Variants in TRPC3 observed in about 807,000 individuals in gnomAD.
TRPC3 encodes the protein short transient receptor potential channel 3.
TRPC3 carries 54 observed loss-of-function variants against 90.9 expected under a neutral mutation model. The observed-to-expected ratio is 0.59, with a 90% confidence interval of 0.48 to 0.75. The LOEUF is 0.75. Ranked by LOEUF, TRPC3 falls within the 30% of genes least tolerant of loss-of-function variation. The probability of loss-of-function intolerance (pLI) is 0.00; values close to 1 mark genes in which losing one functional copy is unlikely to be tolerated. For synonymous variants in TRPC3, 424 were observed against 450.9 expected, an observed-to-expected ratio of 0.94 and a Z score of 0.75; for missense variants, 918 against 1,194.5, an observed-to-expected ratio of 0.77 and a Z score of 3.41.
At chr4:121,891,323 A>G (rs910620926) in intron 10 of TRPC3, among the ~76,000 whole-genome samples, 14 of 152,240 alleles carry the variant, frequency 9.2e-5, no homozygotes, top group Admixed American at 6.5e-5. Context: ...TAGTTCTCAT[A>G]AACTCTTCTT....
At chr4:121,893,559 G>A (rs544147749) in intron 10 of TRPC3, among the ~76,000 whole-genome samples, 1 of 152,094 alleles carries the variant, frequency 6.6e-6, no homozygotes, top group Non-Finnish European at 1.5e-5. Flanking sequence ...AGAAATATGA[G>A]TTAAAAATAT....
At chr4:121,919,071 C>T (rs1729416439) in intron 3 of TRPC3, among the ~76,000 whole-genome samples, 1 of 152,118 alleles carries the variant, frequency 6.6e-6, no homozygotes, top group South Asian at 2.1e-4. Flanking sequence ...TTTTCTGATT[C>T]AAAGAGAGAA....
At chr4:121,923,808 A>G (rs535550445) in intron 3 of TRPC3, among the ~76,000 whole-genome samples, 18 of 152,356 alleles carry the variant, frequency 1.2e-4, no homozygotes, top group African/African-American at 3.1e-4. Context: ...CACTGCAGAA[A>G]AGACAGAACA....
intron 10 of TRPC3, 71 bp downstream of exon 10, chr4:121,899,541 A>G (rs567927285): frequency 7.8e-7 from 1 of 1,285,734 alleles, no homozygotes; most frequent in East Asian, 2.3e-5. Flanking sequence ...CTCATGACAC[A>G]CACACAAACA....
rs536805634 is a variant in TRPC3, at chr4:121,899,542, C to T, written c.2547+70G>A. ...AGAATATAACTCAACTCATGACACA[C>T]ACACAAACACACACGCAGACATATA... On this transcript the variant is annotated intron_variant, in intron 10 of 11. Coordinates refer to ENST00000379645, the MANE Select transcript of TRPC3 (RefSeq NM_001130698.2). 5.4e-5 allele frequency: 70 copies of T among 1,305,418 alleles called. 1 individual carries two copies. The highest frequency in any genetic ancestry group is 4.5e-4 in the South Asian group (37 of 81,856). The allele number at this position is 1,305,418 out of a possible 1,614,324, so 80.9% of individuals were successfully genotyped here.
chr4:121,907,224 G>C, intron 7 of TRPC3, 79 bp downstream of exon 7: 1 of 1,330,048 alleles, frequency 7.5e-7, no homozygotes, highest in Non-Finnish European at 1.0e-6. Context: ...ATTACAATCA[G>C]AGAAATTTTT....
Position 121,942,466 on chromosome 4 carries a change from G to A in TRPC3, c.215+9000C>T, listed in dbSNP as rs184841694. ...AATCCCAGCTACTCGGGAGGCTGAG[G>A]CACAAGAATCAAGAATGGCTTGAAT... On this transcript the variant is annotated intron_variant, in intron 1 of 11. Transcript: ENST00000379645. Among the ~76,000 whole-genome samples, 5 of 152,290 alleles carry A rather than the reference G, an allele frequency of 3.3e-5. No homozygotes were observed. The East Asian group carries it at 9.6e-4, about 29-fold the overall frequency.
At chr4:121,880,763 CTT>C (rs1727915033) in intron 11 of TRPC3, among the ~76,000 whole-genome samples, 2 of 152,136 alleles carry the variant, frequency 1.3e-5, no homozygotes, top group Non-Finnish European at 2.9e-5. Context: ...AGAAATGATT[CTT>C]CAAACCATTG....
intron 2 of TRPC3, among the ~76,000 whole-genome samples, chr4:121,928,784 C>T (rs990891741): frequency 1.3e-5 from 2 of 152,214 alleles, no homozygotes; most frequent in Admixed American, 6.5e-5. Context: ...AGGTTCTGCA[C>T]ACTCCTTTTA....
chr4:121,908,315 T>C (rs1371211039), intron 6 of TRPC3, among the ~76,000 whole-genome samples: 1 of 152,148 alleles, frequency 6.6e-6, no homozygotes, highest in African/African-American at 2.4e-5. Context: ...GGAAAGCACT[T>C]TGAAGATTTC....
At chr4:121,911,533 T>C (rs1729091993) in intron 5 of TRPC3, among the ~76,000 whole-genome samples, 1 of 152,204 alleles carries the variant, frequency 6.6e-6, no homozygotes, top group Non-Finnish European at 1.5e-5. Flanking sequence ...TTGTCATCAG[T>C]TGATAGCCAT....
At chr4:121,891,172 T>A (rs1335216268) in intron 10 of TRPC3, among the ~76,000 whole-genome samples, 1 of 152,126 alleles carries the variant, frequency 6.6e-6, no homozygotes, top group East Asian at 1.9e-4. Context: ...CTCTTCCACA[T>A]CAACATTCCA....
chr4:121,883,330 T>C (rs2149104441), intron 10 of TRPC3, among the ~76,000 whole-genome samples: 1 of 152,248 alleles, frequency 6.6e-6, no homozygotes, highest in South Asian at 2.1e-4. Flanking sequence ...TTTAAAGAGA[T>C]ACTATAAAGA....
chr4:121,930,737 C>A, intron 2 of TRPC3: 2 of 318,022 alleles, frequency 6.3e-6, no homozygotes, highest in Non-Finnish European at 1.2e-5. Context: ...ATTACTGTTT[C>A]AAAACAACAA....
intron 3 of TRPC3, 120 bp downstream of exon 3, chr4:121,924,898 T>C (rs1421546530): frequency 1.8e-6 from 2 of 1,115,888 alleles, no homozygotes; most frequent in East Asian, 5.1e-5. Context: ...ACAGTCTCAT[T>C]ATGTTGCCCA....
Position 121,878,744 on chromosome 4 carries a change from G to A in TRPC3, c.*992C>T, listed in dbSNP as rs1727840174. 1.3e-5 allele frequency among the ~76,000 whole-genome samples: 2 copies of A among 152,146 alleles called. No individual in the cohort carries two copies. Among genetic ancestry groups the A allele is most frequent in the Non-Finnish European group, 2.9e-5 (2 of 68,026 alleles). On this transcript the variant is annotated 3_prime_UTR_variant, in exon 12 of 12. Transcript: ENST00000379645. Reference sequence around the variant, plus strand: ...AACGATGGCAATAAATGCCCCAAAAGGAACTGAAACACACCTGGGGATGCT... The same window carrying A: ...AACGATGGCAATAAATGCCCCAAAAAGAACTGAAACACACCTGGGGATGCT...
In TRPC3 at chr4:121,904,361, C is replaced by A. The variant is rs200144774; in HGVS notation, c.2214G>T (p.Met738Ile). The A allele has an allele frequency of 6.3e-7, 1 of 1,599,170 alleles. No homozygotes were observed. The highest frequency in any genetic ancestry group is 1.4e-5 in the African/African-American group (1 of 73,878). The change falls in exon 8 of 12, where the codon ATG becomes ATT. Residue 738 changes from methionine to isoleucine, a missense_variant. Physicochemically the swap from Met to Ile is conservative, Grantham distance 10 (BLOSUM62 1). Coordinates refer to ENST00000379645, the MANE Select transcript of TRPC3 (RefSeq NM_001130698.2). ...NVTMVVVLLNMLIAMINSSYQ... is the reference protein window; with the variant it reads ...NVTMVVVLLNILIAMINSSYQ... ...ATGAGCTATTAATCATAGCAATTAG[C>A]ATGTTGAGTAAAACGACCACCATAG...
chr4:121,939,790 G>T, intron 1 of TRPC3, among the ~76,000 whole-genome samples: 1 of 152,186 alleles, frequency 6.6e-6, no homozygotes, highest in South Asian at 2.1e-4. Flanking sequence ...TCTAACAAAA[G>T]AAAGTCAGCC....
chr4:121,884,721 A>G (rs1728052936), intron 10 of TRPC3, among the ~76,000 whole-genome samples: 1 of 152,226 alleles, frequency 6.6e-6, no homozygotes, highest in Non-Finnish European at 1.5e-5. Flanking sequence ...ACTGTAAGAC[A>G]TAAAACCTGT....
Sources: gnomAD v4.1 joint callset for allele counts (sites outside exome capture counted in the v4.1 genomes callset) on GRCh38, gnomAD v4.1.1 for gene constraint, MANE v1.5 for transcripts, NCBI Gene and HGNC (gene_info 2026-07-23, HGNC 2026-07-21) for gene names.